ECM2: variants seen among roughly 807,000 people sequenced by gnomAD.
The protein encoded by ECM2 is extracellular matrix protein 2.
Under a neutral mutation model 67.5 loss-of-function variants are expected in ECM2, and 57 were observed. That is an observed-to-expected ratio of 0.84 (90% CI 0.68 to 1.05). The LOEUF is 1.05. ECM2 is among the 50% of genes least tolerant of loss of function. ECM2 has a pLI of 0.00. For synonymous variants in ECM2, 258 were observed against 294.5 expected (o/e 0.88, Z 1.27); for missense variants, 741 against 822.8 (o/e 0.90, Z 1.22).
the ECM2 span, among the ~76,000 whole-genome samples, chr9:92,546,944 C>T: frequency 5.9e-5 from 9 of 152,040 alleles, no homozygotes; most frequent in South Asian, 2.1e-4. Context: ...TTTTTTAAGA[C>T]CAGCATAACT....
At chr9:92,532,571 CTGATCTTCCAGTTCAT>C in intron 1 of ECM2, among the ~76,000 whole-genome samples, 1 of 152,232 alleles carries the variant, frequency 6.6e-6, no homozygotes, top group South Asian at 2.1e-4. Context: ...ATTCTCTGAA[CTGATCTTCCAGTTCAT>C]TGATACTCTC....
chr9:92,494,517 A>C (rs1330611762), downstream of ECM2, among the ~76,000 whole-genome samples: 6 of 152,134 alleles, frequency 3.9e-5, no homozygotes, highest in African/African-American at 9.6e-5. Flanking sequence ...TAAGTCTTTG[A>C]CTCTTGAGTC....
chr9:92,503,079 A>T (rs1195993511), intron 7 of ECM2, among the ~76,000 whole-genome samples: 2 of 152,170 alleles, frequency 1.3e-5, no homozygotes, highest in East Asian at 3.8e-4. Context: ...AAGTGCTGGA[A>T]TTACAGGAAA....
chr9:92,514,518 G>T, intron 4 of ECM2, 113 bp downstream of exon 4: 1 of 1,376,462 alleles, frequency 7.3e-7, no homozygotes, highest in Non-Finnish European at 9.7e-7. Context: ...CAGGTGATCT[G>T]GCCACCTCAG....
the ECM2 span, among the ~76,000 whole-genome samples, chr9:92,545,586 C>T: frequency 6.6e-6 from 1 of 152,222 alleles, no homozygotes; most frequent in East Asian, 1.9e-4. Context: ...GCCCCCTGCT[C>T]CACCGCGTCC....
chr9:92,540,557 G>T (rs1849294232), upstream of ECM2, among the ~76,000 whole-genome samples: 1 of 151,980 alleles, frequency 6.6e-6, no homozygotes, highest in Non-Finnish European at 1.5e-5. Flanking sequence ...TGGATCACAA[G>T]GTTAGGAGTT....
chr9:92,500,258 C>T, intron 9 of ECM2, among the ~76,000 whole-genome samples: 1 of 152,154 alleles, frequency 6.6e-6, no homozygotes, highest in East Asian at 1.9e-4. Context: ...TCCCGGCTCA[C>T]TGCAACCTCT....
At chr9:92,516,637 G>C (rs1367340293) in intron 3 of ECM2, 2 of 152,096 alleles carry the variant, frequency 1.3e-5, no homozygotes, top group Non-Finnish European at 2.9e-5. Context: ...GTATATCCAA[G>C]TTTATTTTTC....
chr9:92,551,916 G>GGT, the ECM2 span, among the ~76,000 whole-genome samples: 656 of 86,688 alleles, frequency 7.6e-3, 65 homozygotes, highest in African/African-American at 0.02. Flanking sequence ...TTATATATAT[G>GGT]GTGTGTGTGT....
At position 92,512,209 on chromosome 9, in the gene ECM2, T is replaced by G; in HGVS notation, c.1055-83A>C. On this transcript the variant is annotated intron_variant, in intron 4 of 9. Transcript: ENST00000344604. ...ATGTATGGGCATGTGTGCATAGATA[T>G]CAAGAGAGAGCTTTGTCTGGAGGAG... The G allele has an allele frequency of 3.7e-6, 3 of 809,146 alleles. No individual in the cohort carries two copies. The East Asian group carries it at 8.0e-5, about 22-fold the overall frequency. 50.1% of individuals were successfully genotyped at this position (809,146 alleles called of 1,614,324 possible).
chr9:92,521,223 C>T (rs1848050054), intron 2 of ECM2, among the ~76,000 whole-genome samples: 1 of 152,174 alleles, frequency 6.6e-6, no homozygotes, highest in South Asian at 2.1e-4. Flanking sequence ...CCCTTTAGTA[C>T]ATATAAAAAC....
chr9:92,523,822 TTGCACTCAGAGC>T, intron 1 of ECM2, among the ~76,000 whole-genome samples: 1 of 152,310 alleles, frequency 6.6e-6, no homozygotes, highest in East Asian at 1.9e-4. Context: ...AGAGAGCAGG[TTGCACTCAGAGC>T]ATGGGAACAT....
chr9:92,554,534 G>C, the ECM2 span, among the ~76,000 whole-genome samples: 1 of 151,968 alleles, frequency 6.6e-6, no homozygotes, highest in East Asian at 1.9e-4. Context: ...ACCTGCATAT[G>C]TTAAACCATC....
Position 92,495,790 on chromosome 9 carries a change from G to C in ECM2, c.*525C>G. On this transcript the variant is annotated 3_prime_UTR_variant, in exon 10 of 10. Coordinates refer to ENST00000344604, the MANE Select transcript of ECM2 (RefSeq NM_001393.4). Reference sequence around the variant, plus strand: ...CATGTAATTAATGGAAGAAATGAAAGCTACCCCAATATTCAGTTATATTTA... The same window carrying C: ...CATGTAATTAATGGAAGAAATGAAACCTACCCCAATATTCAGTTATATTTA... 12 of 949,996 alleles carry C rather than the reference G, an allele frequency of 1.3e-5. No homozygotes were observed. Among genetic ancestry groups the C allele is most frequent in the Non-Finnish European group, 1.5e-5 (12 of 797,828 alleles). 58.8% of individuals were successfully genotyped at this position (949,996 alleles called of 1,614,324 possible).
intron 3 of ECM2, chr9:92,517,319 G>A (rs554634307): frequency 6.1e-5 from 19 of 309,976 alleles, no homozygotes; most frequent in African/African-American, 3.3e-4. Context: ...ATAAAGGCAC[G>A]TTGCACTGGA....
At chr9:92,551,113 G>C in the ECM2 span, among the ~76,000 whole-genome samples, 1 of 152,126 alleles carries the variant, frequency 6.6e-6, no homozygotes, top group Non-Finnish European at 1.5e-5. Flanking sequence ...GGCTGTGGGA[G>C]AGCACATAGA....
chr9:92,552,190 T>TACAC, the ECM2 span, among the ~76,000 whole-genome samples: 26,156 of 105,124 alleles, frequency 0.25, 6,485 homozygotes, highest in African/African-American at 0.55. Context: ...ATCTATCATA[T>TACAC]ACACACACAC....
chr9:92,496,406 T>G lies in ECM2; in HGVS notation c.2009A>C (p.Asn670Thr). Residue 670 changes from asparagine to threonine, a missense_variant, in exon 10 of 10, where the codon AAT (asparagine) becomes ACT (threonine). Transcript: ENST00000344604. Reference sequence around the variant, plus strand: ...TGGTATTTCTCTAATTTTAATATAATTGTTTTCAAGATGAAGATGTTCCAG... The same window carrying G: ...TGGTATTTCTCTAATTTTAATATAAGTGTTTTCAAGATGAAGATGTTCCAG... ...SNLEHLHLENNYIKIREIPSY... is the reference protein window; with the variant it reads ...SNLEHLHLENTYIKIREIPSY... 1 of 1,610,888 alleles carries G rather than the reference T, an allele frequency of 6.2e-7. No homozygotes were observed. Among genetic ancestry groups the G allele is most frequent in the Non-Finnish European group, 8.5e-7 (1 of 1,178,784 alleles).
chr9:92,517,461 T>C (rs1206341631), intron 3 of ECM2: 2 of 622,874 alleles, frequency 3.2e-6, no homozygotes, highest in African/African-American at 1.8e-5. Flanking sequence ...CTCATCCAAG[T>C]TTACTGAATC....
Sources: gnomAD v4.1 joint callset for allele counts (sites outside exome capture counted in the v4.1 genomes callset) on GRCh38, gnomAD v4.1.1 for gene constraint, MANE v1.5 for transcripts, NCBI Gene and HGNC (gene_info 2026-07-23, HGNC 2026-07-21) for gene names.